EPHA6: variants seen among roughly 807,000 people sequenced by gnomAD.
The protein encoded by EPHA6 is EPH receptor A6, also known as ephrin type-A receptor 6.
Under a neutral mutation model 112.0 loss-of-function variants are expected in EPHA6, and 50 were observed. The ratio of observed to expected loss-of-function variants is 0.45; its 90% CI spans 0.36 to 0.56. The LOEUF (loss-of-function observed/expected upper bound fraction) is 0.56, where lower values mean the gene tolerates loss of function less well. Ranked by LOEUF, EPHA6 falls within the 20% of genes least tolerant of loss-of-function variation. The pLI, the probability that EPHA6 is intolerant of heterozygous loss-of-function variation, is 0.00. For synonymous variants in EPHA6, 529 were observed against 490.7 expected (o/e 1.08, Z -1.03); for missense variants, 1,280 against 1,417.4 (o/e 0.90, Z 1.56).
intron 2 of EPHA6, among the ~76,000 whole-genome samples, chr3:96,905,135 C>T (rs1280221399): frequency 4.6e-5 from 7 of 151,940 alleles, no homozygotes; most frequent in African/African-American, 1.4e-4. Flanking sequence ...TTTAAGAGAA[C>T]TAAGAAAAAT....
chr3:97,284,831 C>A lies in EPHA6; in HGVS notation c.1606+40544C>A, dbSNP rs758665655. 2.6e-4 allele frequency among the ~76,000 whole-genome samples: 39 copies of A among 151,896 alleles called. 2 individuals are homozygous for A. The highest frequency in any genetic ancestry group is 2.4e-5 in the African/African-American group (1 of 41,372). On this transcript the variant is annotated intron_variant, in intron 5 of 17. Transcript: ENST00000389672. ...TAAATCTTTAATTTGTACACCAGTG[C>A]AATAATTAAAATATTTACATAGATC...
At chr3:97,655,086 T>C (rs1177477880) in intron 14 of EPHA6, among the ~76,000 whole-genome samples, 1 of 148,216 alleles carries the variant, frequency 6.7e-6, no homozygotes, top group Non-Finnish European at 1.5e-5. Context: ...GGAGAAAATA[T>C]ATATATTATA....
At chr3:97,199,344 A>G (rs968187978) in intron 3 of EPHA6, among the ~76,000 whole-genome samples, 1 of 152,120 alleles carries the variant, frequency 6.6e-6, no homozygotes, top group Non-Finnish European at 1.5e-5. Context: ...TATAGGACAC[A>G]TGCATATAAT....
intron 14 of EPHA6, among the ~76,000 whole-genome samples, chr3:97,700,060 C>T (rs539280005): frequency 1.2e-4 from 18 of 152,300 alleles, no homozygotes; most frequent in South Asian, 8.3e-4. Context: ...AGCAATACCA[C>T]AACATATTAC....
intron 14 of EPHA6, among the ~76,000 whole-genome samples, chr3:97,706,934 C>T (rs1191600861): frequency 1.3e-5 from 2 of 152,050 alleles, no homozygotes; most frequent in Non-Finnish European, 2.9e-5. Context: ...AGCATGTCTT[C>T]CTTGTGACTC....
chr3:97,333,158 T>C (rs975020409), intron 5 of EPHA6, among the ~76,000 whole-genome samples: 4 of 152,130 alleles, frequency 2.6e-5, no homozygotes, highest in African/African-American at 9.6e-5. Context: ...TTTTATAATT[T>C]GCAGCACCTA....
intron 3 of EPHA6, among the ~76,000 whole-genome samples, chr3:97,063,526 A>G (rs1275282285): frequency 1.3e-5 from 2 of 152,082 alleles, no homozygotes; most frequent in African/African-American, 4.8e-5. Context: ...AGGGAGTGGA[A>G]CAACACACAC....
intron 2 of EPHA6, among the ~76,000 whole-genome samples, chr3:96,867,163 T>C (rs61035779): frequency 0.016 from 2,438 of 151,994 alleles, 66 homozygotes; most frequent in African/African-American, 0.049. Flanking sequence ...TCCTTAAATA[T>C]AAATTTCTGT....
chr3:97,327,420 G>A (rs1038136218), intron 5 of EPHA6, among the ~76,000 whole-genome samples: 4 of 151,870 alleles, frequency 2.6e-5, no homozygotes, highest in African/African-American at 9.7e-5. Flanking sequence ...CCAGGACATT[G>A]ACATTGATAT....
At chr3:97,589,270 C>G (rs933796173) in intron 11 of EPHA6, among the ~76,000 whole-genome samples, 6 of 151,300 alleles carry the variant, frequency 4.0e-5, no homozygotes, top group African/African-American at 1.5e-4. Context: ...AGATTGGACA[C>G]CCCTTGTTAC....
intron 2 of EPHA6, among the ~76,000 whole-genome samples, chr3:96,879,675 T>A (rs2037194405): frequency 1.3e-5 from 2 of 152,182 alleles, no homozygotes; most frequent in African/African-American, 4.8e-5. Context: ...CATCTGTGAT[T>A]TCTTTCATCA....
At chr3:97,502,883 C>A (rs1422160844) in intron 10 of EPHA6, among the ~76,000 whole-genome samples, 1 of 133,530 alleles carries the variant, frequency 7.5e-6, no homozygotes, top group Non-Finnish European at 1.6e-5. Flanking sequence ...GATTATTATG[C>A]AGGATGGATT....
intron 15 of EPHA6, among the ~76,000 whole-genome samples, chr3:97,727,744 C>T (rs2107819154): frequency 6.6e-6 from 1 of 152,098 alleles, no homozygotes; most frequent in South Asian, 2.1e-4. Context: ...GTTTTCCTAA[C>T]TTTTCAGTAA....
intron 3 of EPHA6, among the ~76,000 whole-genome samples, chr3:97,014,551 A>C (rs911623024): frequency 5.9e-5 from 9 of 152,128 alleles, no homozygotes; most frequent in Non-Finnish European, 8.8e-5. Context: ...CTTCCATTAA[A>C]GTTCTTTCTG....
intron 2 of EPHA6, among the ~76,000 whole-genome samples, chr3:96,944,058 T>A (rs2041122391): frequency 6.6e-6 from 1 of 152,174 alleles, no homozygotes; most frequent in Non-Finnish European, 1.5e-5. Flanking sequence ...TCTATAAAAT[T>A]CCTTGCAAAG....
intron 14 of EPHA6, among the ~76,000 whole-genome samples, 179 bp downstream of exon 14, chr3:97,638,261 C>G (rs1195318101): frequency 6.6e-6 from 1 of 152,024 alleles, no homozygotes; most frequent in Non-Finnish European, 1.5e-5. Context: ...ACAACAACAA[C>G]AAAAAAGAAA....
intron 2 of EPHA6, among the ~76,000 whole-genome samples, chr3:96,898,396 T>C (rs1020890898): frequency 6.6e-6 from 1 of 152,164 alleles, no homozygotes; most frequent in Non-Finnish European, 1.5e-5. Flanking sequence ...GCGTAAACAA[T>C]GGAGGATAGT....
chr3:96,961,777 G>A (rs1046504327), intron 2 of EPHA6, among the ~76,000 whole-genome samples: 19 of 152,166 alleles, frequency 1.2e-4, no homozygotes, highest in Non-Finnish European at 1.8e-4. Flanking sequence ...AGTAATACAA[G>A]CACTAGGATG....
At chr3:97,012,206 G>A (rs1237215026) in intron 3 of EPHA6, among the ~76,000 whole-genome samples, 3 of 152,032 alleles carry the variant, frequency 2.0e-5, no homozygotes, top group Non-Finnish European at 4.4e-5. Flanking sequence ...TGGTAGTTTT[G>A]TTTTAAGTTC....
Sources: gnomAD v4.1 joint callset for allele counts (sites outside exome capture counted in the v4.1 genomes callset) on GRCh38, gnomAD v4.1.1 for gene constraint, MANE v1.5 for transcripts, NCBI Gene and HGNC (gene_info 2026-07-23, HGNC 2026-07-21) for gene names.